Variants in RBFOX1 observed in about 807,000 individuals in gnomAD.
The protein encoded by RBFOX1 is RNA binding protein fox-1 homolog 1.
RBFOX1 carries 8 observed loss-of-function variants against 57.7 expected under a neutral mutation model. The ratio of observed to expected loss-of-function variants is 0.14; its 90% CI spans 0.08 to 0.25. The LOEUF (loss-of-function observed/expected upper bound fraction) is 0.25, where lower values mean the gene tolerates loss of function less well. Ranked by LOEUF, RBFOX1 falls within the 10% of genes least tolerant of loss-of-function variation. RBFOX1 has a pLI of 1.00. For synonymous variants in RBFOX1, 326 were observed against 222.4 expected (o/e 1.47, Z -4.15); for missense variants, 611 against 548.5 (o/e 1.11, Z -1.14).
chr16:6,245,608 A>T (rs2097564920), intron 1 of RBFOX1, among the ~76,000 whole-genome samples: 1 of 152,160 alleles, frequency 6.6e-6, no homozygotes, highest in South Asian at 2.1e-4. Context: ...TAATACAAAT[A>T]ACCTTCTGTG....
intron 2 of RBFOX1, among the ~76,000 whole-genome samples, chr16:6,609,802 G>T (rs1288336007): frequency 6.6e-6 from 1 of 151,990 alleles, no homozygotes; most frequent in Non-Finnish European, 1.5e-5. Context: ...AAGGTCAAAA[G>T]GTCAAGACCA....
Position 5,981,556 on chromosome 16 carries a change from C to T in RBFOX1, c.351+114221C>T, listed in dbSNP as rs914949290. ...CCATCTCAGCTCACTGCAGCCTCCG[C>T]CTCCCAGGCTCAGGTGATTCTCCTG... is the stretch of plus-strand genomic sequence containing the variant. On this transcript the variant is annotated intron_variant, in intron 4 of 19. Coordinates refer to the RBFOX1 transcript ENST00000641259. Among the ~76,000 whole-genome samples, 6 of 152,284 alleles carry T rather than the reference C, an allele frequency of 3.9e-5. No homozygotes were observed. The South Asian group carries it at 1.2e-3, about 32-fold the overall frequency.
chr16:7,590,435 G>A (rs139394317), intron 7 of RBFOX1, among the ~76,000 whole-genome samples: 104 of 152,220 alleles, frequency 6.8e-4, no homozygotes, highest in Non-Finnish European at 9.4e-4. Flanking sequence ...ATGAGAATTC[G>A]TAAGCATTTA....
intron 2 of RBFOX1, among the ~76,000 whole-genome samples, chr16:6,495,574 A>G (rs1204877363): frequency 6.6e-6 from 1 of 152,364 alleles, no homozygotes; most frequent in South Asian, 2.1e-4. Flanking sequence ...CTGGGTATAT[A>G]GAATAATCAG....
chr16:5,650,020 T>A (rs571594494), intron 3 of RBFOX1, among the ~76,000 whole-genome samples: 43 of 152,252 alleles, frequency 2.8e-4, no homozygotes, highest in African/African-American at 1.0e-3. Context: ...ACCACATTGC[T>A]CTCTACATGA....
chr16:5,563,129 T>G (rs1490528878), intron 2 of RBFOX1, among the ~76,000 whole-genome samples: 3 of 152,148 alleles, frequency 2.0e-5, no homozygotes, highest in African/African-American at 7.2e-5. Context: ...TTTGCATTTT[T>G]GTAGAGACGG....
intron 3 of RBFOX1, among the ~76,000 whole-genome samples, chr16:6,963,846 A>C (rs1022336972): frequency 6.0e-5 from 9 of 149,978 alleles, no homozygotes; most frequent in Non-Finnish European, 1.0e-4. Context: ...CTACAGGCGC[A>C]CACCACCACG....
chr16:6,315,563 GGATGGATGGATGGATA>G lies in RBFOX1; in HGVS notation c.-126-1403_-126-1388del, dbSNP rs1454152253. ...TGGATGGATGGATGGATGGATGGATGGATGGATGGATGGATAGATGGATGGATGGATAGATGGATGG... is the reference window on the plus strand; with the variant it reads ...TGGATGGATGGATGGATGGATGGATGGATGGATGGATGGATAGATGGATGG... On this transcript the variant is annotated intron_variant, in intron 1 of 15. Transcript: ENST00000550418. 4.6e-3 allele frequency among the ~76,000 whole-genome samples: 332 copies of G among 72,014 alleles called. 3 individuals are homozygous for G. Among genetic ancestry groups the G allele is most frequent in the Middle Eastern group, 0.031 (3 of 96 alleles). 47.2% of individuals were successfully genotyped at this position (72,014 alleles called of 152,430 possible).
At chr16:7,228,040 T>C (rs1399722295) in intron 4 of RBFOX1, among the ~76,000 whole-genome samples, 1 of 152,138 alleles carries the variant, frequency 6.6e-6, no homozygotes, top group Non-Finnish European at 1.5e-5. Context: ...CAGGTTGTGA[T>C]GACCCGACTT....
At chr16:7,445,809 A>G (rs1031029379) in intron 4 of RBFOX1, among the ~76,000 whole-genome samples, 1 of 152,238 alleles carries the variant, frequency 6.6e-6, no homozygotes, top group Non-Finnish European at 1.5e-5. Flanking sequence ...ATCTACAACA[A>G]CAAATATTTA....
chr16:7,446,795 GGTATTTTTTTTTT>G (rs2098811454), intron 4 of RBFOX1, among the ~76,000 whole-genome samples: 1 of 128,088 alleles, frequency 7.8e-6, no homozygotes, highest in African/African-American at 2.9e-5. Flanking sequence ...GGTAGGTCTA[GGTATTTTTTTTTT>G]TTTTTTTTTT....
intron 4 of RBFOX1, among the ~76,000 whole-genome samples, chr16:7,080,391 C>G (rs1376079983): frequency 6.6e-6 from 1 of 152,164 alleles, no homozygotes; most frequent in Non-Finnish European, 1.5e-5. Flanking sequence ...AGTAACCTGT[C>G]TTTATCCTGG....
At position 6,121,998 on chromosome 16, in the gene RBFOX1, G is replaced by A. The variant is rs146108274; in HGVS notation, c.-127+102006G>A. ...TCTGCTCACTGCAACCCCTGCCTCC[G>A]GGGTTCAAGCAATTCTCCTGCCTCA... On this transcript the variant is annotated intron_variant, in intron 1 of 15. Coordinates refer to ENST00000550418, the MANE Select transcript of RBFOX1 (RefSeq NM_018723.4). Among the ~76,000 whole-genome samples, 109 of 152,118 alleles carry A rather than the reference G, an allele frequency of 7.2e-4. No homozygotes were observed. In the Middle Eastern group the frequency reaches 0.017, roughly 24 times the overall value.
At chr16:5,263,108 A>G (rs972803113) in intron 1 of RBFOX1, among the ~76,000 whole-genome samples, 4 of 152,066 alleles carry the variant, frequency 2.6e-5, no homozygotes, top group African/African-American at 9.7e-5. Context: ...GGAAACTTGT[A>G]GCATGAATTC....
At chr16:5,921,929 A>G (rs1219089985) in intron 4 of RBFOX1, among the ~76,000 whole-genome samples, 3 of 151,902 alleles carry the variant, frequency 2.0e-5, no homozygotes, top group Non-Finnish European at 4.4e-5. Context: ...AGGTGGGAGG[A>G]TCGCTTGAGG....
Position 6,231,242 on chromosome 16 carries a change from G to A in RBFOX1, c.-126-85753G>A, listed in dbSNP as rs112827325. ...TGTGTGTGTGTGTGTGTGTGTAGGT[G>A]TGTGTGTGTGTGTGTGTTCCTTATA... is the stretch of plus-strand genomic sequence containing the variant. On this transcript the variant is annotated intron_variant, in intron 1 of 15. Transcript: ENST00000550418. Among the ~76,000 whole-genome samples the A allele has an allele frequency of 2.0e-4, 16 of 79,216 alleles. No individual in the cohort carries two copies. In the South Asian group the frequency reaches 3.0e-3, roughly 15 times the overall value. 52.0% of individuals were successfully genotyped at this position (79,216 alleles called of 152,430 possible).
At chr16:7,116,465 C>A (rs139494724) in intron 4 of RBFOX1, among the ~76,000 whole-genome samples, 370 of 152,274 alleles carry the variant, frequency 2.4e-3, no homozygotes, top group African/African-American at 8.5e-3. Context: ...TCCTCTCAAA[C>A]CAGTTTATTG....
At chr16:5,942,780 T>C (rs577134641) in intron 4 of RBFOX1, among the ~76,000 whole-genome samples, 2 of 152,332 alleles carry the variant, frequency 1.3e-5, no homozygotes, top group Admixed American at 6.5e-5. Flanking sequence ...CTCACTGATA[T>C]AATTTTCTCA....
At chr16:6,626,746 T>G (rs1046853495) in intron 2 of RBFOX1, among the ~76,000 whole-genome samples, 1 of 151,626 alleles carries the variant, frequency 6.6e-6, no homozygotes, top group African/African-American at 2.4e-5. Flanking sequence ...GATGACAGAG[T>G]GAGACTCCAT....
Sources: allele counts gnomAD v4.1 joint callset (sites outside exome capture counted in the v4.1 genomes callset), GRCh38; gene constraint gnomAD v4.1.1; transcripts MANE v1.5; gene names NCBI Gene and HGNC (gene_info 2026-07-23, HGNC 2026-07-21).